The following PRRX1 variants were observed in gnomAD, a reference collection of about 807,000 sequenced individuals.
The protein encoded by PRRX1 is paired related homeobox 1, also known as paired mesoderm homeobox protein 1.
Under a neutral mutation model 24.0 loss-of-function variants are expected in PRRX1, and 8 were observed. The ratio of observed to expected loss-of-function variants is 0.33; its 90% CI spans 0.20 to 0.60. The LOEUF is 0.60. PRRX1 is among the 20% of genes least tolerant of loss of function. The pLI is 0.82. For missense variants in PRRX1, 281 were observed against 322.4 expected (o/e 0.87, Z 0.98); for synonymous variants, 160 against 131.7 (o/e 1.22, Z -1.47).
intron 1 of PRRX1, among the ~76,000 whole-genome samples, chr1:170,711,174 T>A (rs891323589): frequency 6.6e-6 from 1 of 152,226 alleles, no homozygotes; most frequent in Non-Finnish European, 1.5e-5. Flanking sequence ...CATCTTCAGA[T>A]TTATTTGACA....
upstream of PRRX1, chr1:170,664,006 C>A (rs1571306484): frequency 5.3e-6 from 3 of 567,462 alleles, no homozygotes; most frequent in African/African-American, 5.7e-5. Context: ...GTGCACAACG[C>A]TCTGCTCTAC....
At chr1:170,709,730 A>C (rs889658253) in intron 1 of PRRX1, among the ~76,000 whole-genome samples, 4 of 152,218 alleles carry the variant, frequency 2.6e-5, no homozygotes, top group Non-Finnish European at 5.9e-5. Flanking sequence ...TGCTCAATAG[A>C]TATTTGTTCA....
intron 1 of PRRX1, among the ~76,000 whole-genome samples, chr1:170,676,888 T>C (rs111886775): frequency 6.6e-6 from 1 of 152,314 alleles, no homozygotes; most frequent in African/African-American, 2.4e-5. Flanking sequence ...GTTCATGTTC[T>C]TCATTATAAA....
Position 170,664,365 on chromosome 1 carries a change from G to A in PRRX1, c.147G>A (p.Val49=). Residue 49 remains valine, a synonymous_variant, in exon 1 of 4, where the codon GTG becomes GTA. Transcript: ENST00000239461. ...LLDLEEAGDM[V]AAQADENVGE... The stretch of plus-strand genomic sequence containing the variant: ...ACCTGGAGGAAGCCGGGGACATGGT[G>A]GCGGCACAGGCGGATGAGAACGTGG... 1 of 1,613,876 alleles carries A rather than the reference G, an allele frequency of 6.2e-7. No individual in the cohort carries two copies. Among genetic ancestry groups the A allele is most frequent in the Admixed American group, 1.7e-5 (1 of 60,010 alleles).
intron 1 of PRRX1, among the ~76,000 whole-genome samples, chr1:170,703,663 T>A (rs868069470): frequency 6.6e-6 from 1 of 152,020 alleles, no homozygotes; most frequent in Non-Finnish European, 1.5e-5. Context: ...ACACTTTCCA[T>A]TGGTATTTTA....
At chr1:170,724,703 A>C (rs1464351727) in intron 2 of PRRX1, among the ~76,000 whole-genome samples, 1 of 152,200 alleles carries the variant, frequency 6.6e-6, no homozygotes, top group East Asian at 1.9e-4. Flanking sequence ...AATAGTTTGA[A>C]GTCAGATAGT....
chr1:170,724,656 C>G (rs142008182), intron 2 of PRRX1, among the ~76,000 whole-genome samples: 112 of 152,254 alleles, frequency 7.4e-4, no homozygotes, highest in African/African-American at 2.6e-3. Context: ...TGCTTTTGTA[C>G]TAATACCACG....
chr1:170,693,399 G>T (rs1054931910), intron 1 of PRRX1, among the ~76,000 whole-genome samples: 1 of 152,010 alleles, frequency 6.6e-6, no homozygotes, highest in African/African-American at 2.4e-5. Context: ...ATTCTAGTAT[G>T]ATGTAATTTC....
chr1:170,683,370 G>C (rs1383394166), intron 1 of PRRX1, among the ~76,000 whole-genome samples: 1 of 152,192 alleles, frequency 6.6e-6, no homozygotes, highest in Admixed American at 6.5e-5. Context: ...GCGGAGTTTA[G>C]CAAATGAAAG....
In PRRX1 at chr1:170,716,169, C is replaced by G. The variant is rs185564559; in HGVS notation, c.242-3557C>G. Among the ~76,000 whole-genome samples the G allele has an allele frequency of 3.3e-5, 5 of 152,278 alleles. No homozygotes were observed. In the East Asian group the frequency reaches 9.6e-4, roughly 29 times the overall value. On this transcript the variant is annotated intron_variant, in intron 1 of 3. Transcript: ENST00000239461. ...AGCAAGACTACACCTATTTATAAGG[C>G]TGTTTTGCTTGTTTTTACTAAGAGC...
chr1:170,689,839 C>T (rs61817380), intron 1 of PRRX1, among the ~76,000 whole-genome samples: 1,764 of 91,468 alleles, frequency 0.019, 91 homozygotes, highest in East Asian at 0.061. Flanking sequence ...TCTCTCTCTC[C>T]CTCTCTCTCT....
At chr1:170,703,872 A>G (rs905734037) in intron 1 of PRRX1, among the ~76,000 whole-genome samples, 1 of 152,226 alleles carries the variant, frequency 6.6e-6, no homozygotes. Flanking sequence ...CAAAATACAT[A>G]GAAAACAAAG....
intron 1 of PRRX1, among the ~76,000 whole-genome samples, chr1:170,717,767 G>A (rs1654954296): frequency 6.6e-6 from 1 of 152,184 alleles, no homozygotes; most frequent in Admixed American, 6.5e-5. Context: ...TAAATAGGAA[G>A]GAGAATGCAA....
intron 1 of PRRX1, among the ~76,000 whole-genome samples, chr1:170,693,846 G>T (rs1187995078): frequency 6.6e-6 from 1 of 152,062 alleles, no homozygotes; most frequent in East Asian, 1.9e-4. Flanking sequence ...AGATGTAGCG[G>T]CAAGGCAATG....
intron 1 of PRRX1, among the ~76,000 whole-genome samples, chr1:170,711,259 C>A (rs184865141): frequency 2.0e-5 from 3 of 152,282 alleles, no homozygotes; most frequent in Admixed American, 2.0e-4. Flanking sequence ...TATAGTGTTA[C>A]AGAATTACCT....
chr1:170,711,852 G>A (rs73036679), intron 1 of PRRX1, among the ~76,000 whole-genome samples: 1,968 of 152,224 alleles, frequency 0.013, 51 homozygotes, highest in African/African-American at 0.045. Context: ...AGTTTAGAAA[G>A]CTTCTAATAT....
chr1:170,722,032 C>T (rs950199681), intron 2 of PRRX1, among the ~76,000 whole-genome samples: 3 of 151,068 alleles, frequency 2.0e-5, no homozygotes, highest in African/African-American at 7.3e-5. Flanking sequence ...TTGCCCCTAT[C>T]ATGACAGGGA....
intron 1 of PRRX1, among the ~76,000 whole-genome samples, chr1:170,665,796 G>A (rs1039338897): frequency 1.3e-5 from 2 of 152,204 alleles, no homozygotes; most frequent in Non-Finnish European, 2.9e-5. Context: ...GTTCCGGCCT[G>A]GGCGCCCCTG....
chr1:170,696,638 A>C (rs926993599), intron 1 of PRRX1, among the ~76,000 whole-genome samples: 2 of 152,326 alleles, frequency 1.3e-5, no homozygotes, highest in African/African-American at 4.8e-5. Flanking sequence ...AAACCTATAA[A>C]ATTTTAAAGG....
Sources: allele counts gnomAD v4.1 joint callset (sites outside exome capture counted in the v4.1 genomes callset), GRCh38; gene constraint gnomAD v4.1.1; transcripts MANE v1.5; gene names NCBI Gene and HGNC (gene_info 2026-07-23, HGNC 2026-07-21).